LMO3: variants seen among roughly 807,000 people sequenced by gnomAD.
LMO3 encodes the protein LIM domain only protein 3.
In LMO3, 2 loss-of-function variants were observed where a neutral mutation model predicts 15.8. That is an observed-to-expected ratio of 0.13 (90% confidence interval 0.05 to 0.40). The LOEUF is 0.40. Ranked by LOEUF, LMO3 falls within the 10% of genes least tolerant of loss-of-function variation. LMO3 has a pLI of 0.99. For synonymous variants in LMO3, 62 were observed against 63.8 expected, an observed-to-expected ratio of 0.97 and a Z score of 0.13; for missense variants, 86 against 182.2, an observed-to-expected ratio of 0.47 and a Z score of 3.04.
rs1329285513 is a variant in LMO3 at position 16,559,670 on chromosome 12, G to T, written c.332+743C>A. Among the ~76,000 whole-genome samples the T allele has an allele frequency of 6.6e-6, 1 of 152,132 alleles. No homozygotes were observed. Among genetic ancestry groups the T allele is most frequent in the Non-Finnish European group, 1.5e-5 (1 of 68,028 alleles). Reference sequence around the variant, plus strand: ...AAATTTAAGGTAAACAGCTAGATTGGGTGGGGGTGGTGGCTCATGCCTATA... The same window carrying T: ...AAATTTAAGGTAAACAGCTAGATTGTGTGGGGGTGGTGGCTCATGCCTATA... On this transcript the variant is annotated intron_variant, in intron 3 of 3. Coordinates refer to ENST00000537304, the MANE Select transcript of LMO3 (RefSeq NM_018640.5). The surrounding 1 kb of genome is among the most constrained non-coding windows in gnomAD (Gnocchi z 4.1).
At position 16,593,797 on chromosome 12, in the gene LMO3, T is replaced by A. The variant is rs977349165; in HGVS notation, c.206+6858A>T. On this transcript the variant is annotated intron_variant, in intron 2 of 3. Coordinates refer to ENST00000537304, the MANE Select transcript of LMO3 (RefSeq NM_018640.5). The surrounding 1 kb of genome is among the most constrained non-coding windows in gnomAD (Gnocchi z 4.2). ...TTAAAGTTAGAAATGAAAAGCTAAA[T>A]GCCACATTTCTTGCTTCACAGTATA... Among the ~76,000 whole-genome samples, 2 of 151,786 alleles carry A rather than the reference T, an allele frequency of 1.3e-5. No individual in the cohort carries two copies. The highest frequency in any genetic ancestry group is 1.3e-4 in the Admixed American group (2 of 15,212).
At chr12:16,571,671 T>C (rs1203216213) in intron 2 of LMO3, among the ~76,000 whole-genome samples, 1 of 152,020 alleles carries the variant, frequency 6.6e-6, no homozygotes, top group Non-Finnish European at 1.5e-5. Context: ...TTTCACAATT[T>C]CTGTTCTTTG....
intron 2 of LMO3, among the ~76,000 whole-genome samples, chr12:16,570,557 G>A (rs1017007120): frequency 1.2e-4 from 18 of 152,230 alleles, no homozygotes; most frequent in African/African-American, 4.3e-4. Context: ...CATTTTCTTA[G>A]ATCTTTGTCA....
intron 2 of LMO3, among the ~76,000 whole-genome samples, chr12:16,581,759 C>A (rs2137542360): frequency 6.6e-6 from 1 of 152,036 alleles, no homozygotes; most frequent in South Asian, 2.1e-4. Flanking sequence ...AAAAAGATTT[C>A]TTCATATGAA....
chr12:16,585,735 A>ATGGG lies in LMO3; in HGVS notation c.206+14916_206+14919dup, dbSNP rs1943298361. ...CAAATATAATAATAGAAAGGAAAATATGGGTGAGAAATTACAAAAGGCTGG... is the reference window on the plus strand; with the variant it reads ...CAAATATAATAATAGAAAGGAAAATATGGGTGGGTGAGAAATTACAAAAGGCTGG... On this transcript the variant is annotated intron_variant, in intron 2 of 3. Transcript: ENST00000537304. The surrounding 1 kb of genome is among the most constrained non-coding windows in gnomAD (Gnocchi z 4.7). Among the ~76,000 whole-genome samples, 1 of 152,228 alleles carries ATGGG rather than the reference A, an allele frequency of 6.6e-6. No homozygotes were observed. Among genetic ancestry groups the ATGGG allele is most frequent in the African/African-American group, 2.4e-5 (1 of 41,462 alleles).
In LMO3 at chr12:16,551,053, G is replaced by A; in HGVS notation, c.*169C>T. The A allele has an allele frequency of 1.9e-6, 1 of 528,072 alleles. No homozygotes were observed. Among genetic ancestry groups the A allele is most frequent in the Non-Finnish European group, 3.4e-6 (1 of 293,378 alleles). 32.7% of individuals were successfully genotyped at this position (528,072 alleles called of 1,614,324 possible). ...AATAAACATTCAACTCTGAACTGGGGCAATTTCACTACATACAGATGCAGT... is the reference window on the plus strand; with the variant it reads ...AATAAACATTCAACTCTGAACTGGGACAATTTCACTACATACAGATGCAGT... On this transcript the variant is annotated 3_prime_UTR_variant, in exon 4 of 4. Coordinates refer to ENST00000537304, the MANE Select transcript of LMO3 (RefSeq NM_018640.5).
intron 2 of LMO3, among the ~76,000 whole-genome samples, chr12:16,570,896 A>G (rs183845024): frequency 4.5e-4 from 69 of 152,252 alleles, no homozygotes; most frequent in Non-Finnish European, 9.3e-4. Context: ...GTTAATTATT[A>G]TTACTTACTT....
chr12:16,587,138 A>G lies in LMO3; in HGVS notation c.206+13517T>C, dbSNP rs1943346378. 6.6e-6 allele frequency among the ~76,000 whole-genome samples: 1 copy of G among 152,188 alleles called. No individual in the cohort carries two copies. Among genetic ancestry groups the G allele is most frequent in the South Asian group, 2.1e-4 (1 of 4,826 alleles). Reference sequence around the variant, plus strand: ...ACTTGGACAATGGCTTACATTTTAAATTATAGCAATTGTGGGTGCTGCTGA... The same window carrying G: ...ACTTGGACAATGGCTTACATTTTAAGTTATAGCAATTGTGGGTGCTGCTGA... On this transcript the variant is annotated intron_variant, in intron 2 of 3. Coordinates refer to ENST00000537304, the MANE Select transcript of LMO3 (RefSeq NM_018640.5). This position sits in a 1 kb window ranked among gnomAD's most constrained non-coding sequence, Gnocchi z 4.3.
At chr12:16,563,817 G>A (rs1942488321) in intron 2 of LMO3, among the ~76,000 whole-genome samples, 1 of 152,032 alleles carries the variant, frequency 6.6e-6, no homozygotes, top group African/African-American at 2.4e-5. Context: ...CAGCATACCA[G>A]CTTATACATT....
chr12:16,555,340 CTTAT>C lies in LMO3; in HGVS notation c.333-4017_333-4014del, dbSNP rs1040349998. ...GCTTATTCTGATGTTTCCCAAAGCA[CTTAT>C]TTATTGGTGTATTGTTTATTTTGGT... is the stretch of plus-strand genomic sequence containing the variant. On this transcript the variant is annotated intron_variant, in intron 3 of 3. Transcript: ENST00000537304. This position sits in a 1 kb window ranked among gnomAD's most constrained non-coding sequence, Gnocchi z 5.5. Among the ~76,000 whole-genome samples the C allele has an allele frequency of 3.3e-5, 5 of 152,270 alleles. No homozygotes were observed. The highest frequency in any genetic ancestry group is 2.6e-4 in the Admixed American group (4 of 15,302).
chr12:16,602,479 G>T (rs1022274909), intron 1 of LMO3, among the ~76,000 whole-genome samples: 2 of 152,234 alleles, frequency 1.3e-5, no homozygotes, highest in Non-Finnish European at 2.9e-5. Flanking sequence ...GTTGTGTAGG[G>T]AATGGCAGGA....
chr12:16,604,996 T>A lies in LMO3; in HGVS notation c.-9+1070A>T. The A allele has an allele frequency of 6.3e-7, 1 of 1,594,270 alleles. No homozygotes were observed. The highest frequency in any genetic ancestry group is 8.5e-7 in the Non-Finnish European group (1 of 1,177,642). On this transcript the variant is annotated intron_variant, in intron 1 of 3. Transcript: ENST00000537304. The surrounding 1 kb of genome is among the most constrained non-coding windows in gnomAD (Gnocchi z 5.3). Reference sequence around the variant, plus strand: ...TGATTTCGCTTAAGTGTGGACCTGGTGCGCAGCCTACACCGCCGAGGACCG... The same window carrying A: ...TGATTTCGCTTAAGTGTGGACCTGGAGCGCAGCCTACACCGCCGAGGACCG...
chr12:16,562,862 T>C (rs1314221197), intron 2 of LMO3, among the ~76,000 whole-genome samples: 1 of 152,232 alleles, frequency 6.6e-6, no homozygotes, highest in East Asian at 1.9e-4. Context: ...CTGCTACCAG[T>C]GTACTTTCCA....
rs1366691153 is a variant in LMO3, at chr12:16,604,824, G to A, written c.-9+1242C>T. On this transcript the variant is annotated intron_variant, in intron 1 of 3. Coordinates refer to ENST00000537304, the MANE Select transcript of LMO3 (RefSeq NM_018640.5). This position sits in a 1 kb window ranked among gnomAD's most constrained non-coding sequence, Gnocchi z 5.3. ...AGGCTTTTGAGCGGCCAGGAGTGCA[G>A]AGCGCCAGCAAAGTGCATCTATGAT... 4 of 1,595,906 alleles carry A rather than the reference G, an allele frequency of 2.5e-6. No individual in the cohort carries two copies. The highest frequency in any genetic ancestry group is 2.2e-5 in the East Asian group (1 of 44,838).
chr12:16,566,449 T>A (rs749307503), intron 2 of LMO3, among the ~76,000 whole-genome samples: 11 of 152,112 alleles, frequency 7.2e-5, no homozygotes, highest in Non-Finnish European at 1.5e-4. Context: ...TATGAGGCGA[T>A]GGGTATTTGA....
In LMO3 at chr12:16,603,230, C is replaced by A. The variant is rs1403057468; in HGVS notation, c.-8-2362G>T. 2.6e-5 allele frequency among the ~76,000 whole-genome samples: 4 copies of A among 152,180 alleles called. No homozygotes were observed. The highest frequency in any genetic ancestry group is 5.9e-5 in the Non-Finnish European group (4 of 68,030). ...TTTGAAACTCTTACATTCTGTTTGG[C>A]CTTGGGCATAAAAGGAGTTTGATAT... On this transcript the variant is annotated intron_variant, in intron 1 of 3. Transcript: ENST00000537304. The surrounding 1 kb of genome is among the most constrained non-coding windows in gnomAD (Gnocchi z 4.9).
upstream of LMO3, chr12:16,607,259 A>C (rs536186167): frequency 1.1e-3 from 164 of 152,484 alleles, 1 homozygote; most frequent in Admixed American, 2.1e-3. Flanking sequence ...CCACCCCGAA[A>C]CACACTTCCT....
At chr12:16,605,096 A>T in intron 1 of LMO3, 1 of 1,442,016 alleles carries the variant, frequency 6.9e-7, no homozygotes, top group East Asian at 2.5e-5. Flanking sequence ...ACGGCCAGAC[A>T]AGACAGGGCG....
intron 2 of LMO3, among the ~76,000 whole-genome samples, chr12:16,595,161 A>C (rs1416742876): frequency 1.3e-5 from 2 of 151,460 alleles, no homozygotes; most frequent in East Asian, 3.9e-4. Context: ...TTAAAAGATA[A>C]AAAACTATAA....
Sources: gnomAD v4.1 joint callset for allele counts (sites outside exome capture counted in the v4.1 genomes callset) on GRCh38, gnomAD v4.1.1 for gene constraint, Gnocchi (gnomAD v3.1) non-coding constraint, MANE v1.5 for transcripts, NCBI Gene and HGNC (gene_info 2026-07-23, HGNC 2026-07-21) for gene names.